The following CFDP1 variants were observed in gnomAD, a reference collection of about 807,000 sequenced individuals.
CFDP1 encodes heterochromatin-stabilizing protein CFDP1.
CFDP1 carries 31 observed loss-of-function variants against 40.1 expected under a neutral mutation model. The observed-to-expected ratio is 0.77, with a 90% CI of 0.58 to 1.04. CFDP1 has a LOEUF of 1.04. Ranked by LOEUF, CFDP1 falls within the 50% of genes least tolerant of loss-of-function variation. CFDP1 has a pLI of 0.00. For missense variants in CFDP1, 423 were observed against 343.4 expected, an observed-to-expected ratio of 1.23 and a Z score of -1.83; for synonymous variants, 167 against 120.0, an observed-to-expected ratio of 1.39 and a Z score of -2.56.
chr16:75,414,502 C>T, intron 2 of CFDP1, 76 bp downstream of exon 2: 1 of 861,858 alleles, frequency 1.2e-6, no homozygotes. Context: ...TTAAATCTAT[C>T]ATGAGACCAA....
intron 5 of CFDP1, among the ~76,000 whole-genome samples, chr16:75,358,597 A>G (rs897487986): frequency 2.0e-5 from 3 of 152,164 alleles, no homozygotes; most frequent in African/African-American, 7.2e-5. Context: ...TTGTACAACC[A>G]AATTACAAGC....
intron 1 of CFDP1, among the ~76,000 whole-genome samples, chr16:75,416,818 G>C (rs2151590974): frequency 6.8e-6 from 1 of 147,872 alleles, no homozygotes; most frequent in African/African-American, 2.5e-5. Flanking sequence ...TGAAAATCTG[G>C]AGAATAAGCA....
chr16:75,412,018 T>A (rs2079167520), intron 3 of CFDP1, 66 bp from the exon 4 acceptor site: 9 of 1,494,256 alleles, frequency 6.0e-6, no homozygotes, highest in Non-Finnish European at 7.1e-6. Context: ...CAGATACTTT[T>A]TATTTTTTTT....
chr16:75,376,979 A>G (rs2078804511), intron 5 of CFDP1, among the ~76,000 whole-genome samples: 2 of 152,254 alleles, frequency 1.3e-5, no homozygotes, highest in South Asian at 4.1e-4. Flanking sequence ...TCTCAGCACA[A>G]TGCCTATGCG....
rs143688402 is a variant in CFDP1, at chr16:75,315,200, G to A, written c.651-10018C>T. ...TACAAAAAATTTGCCGGGTGTGACG[G>A]TGTGTGCCTGTAGTCCCAGCTACTT... On this transcript the variant is annotated intron_variant, in intron 5 of 6. Coordinates refer to ENST00000283882, the MANE Select transcript of CFDP1 (RefSeq NM_006324.3). Among the ~76,000 whole-genome samples, 1,016 of 152,112 alleles carry A rather than the reference G, an allele frequency of 6.7e-3. 6 individuals are homozygous for A. Among genetic ancestry groups the A allele is most frequent in the African/African-American group, 0.024 (982 of 41,494 alleles).
intron 5 of CFDP1, among the ~76,000 whole-genome samples, chr16:75,383,569 C>T (rs957974512): frequency 4.3e-4 from 66 of 152,036 alleles, no homozygotes; most frequent in African/African-American, 1.6e-3. Flanking sequence ...ACCTGTAATC[C>T]CAGCACTTTG....
In CFDP1 at chr16:75,393,737, C is replaced by CAAAAAAAAAAA. The variant is rs61344775; in HGVS notation, c.650+1342_650+1352dup. ...TGGGCGACAGAGCGAGACTCCGTCGCAAAAAAAAAAAAAAAAAAAAAAAAA... is the reference window on the plus strand; with the variant it reads ...TGGGCGACAGAGCGAGACTCCGTCGCAAAAAAAAAAAAAAAAAAAAAAAAAAAAAAAAAAAA... On this transcript the variant is annotated intron_variant, in intron 5 of 6. Transcript: ENST00000283882. 1.9e-4 allele frequency among the ~76,000 whole-genome samples: 15 copies of CAAAAAAAAAAA among 80,618 alleles called. 2 individuals carry two copies. The highest frequency in any genetic ancestry group is 7.0e-4 in the African/African-American group (12 of 17,200). The allele number at this position is 80,618 out of a possible 152,430, so 52.9% of individuals were successfully genotyped here. A position where few individuals can be genotyped will look rare whatever the true frequency, so the allele number is the denominator to read the frequency against.
At chr16:75,424,755 CAAA>C (rs34126287) in intron 1 of CFDP1, among the ~76,000 whole-genome samples, 102 of 129,424 alleles carry the variant, frequency 7.9e-4, no homozygotes, top group Admixed American at 1.2e-3. Flanking sequence ...GACTCCGTCT[CAAA>C]AAAAAAAAAA....
At chr16:75,409,579 C>T (rs919532193) in intron 4 of CFDP1, 1 of 152,188 alleles carries the variant, frequency 6.6e-6, no homozygotes, top group Non-Finnish European at 1.5e-5. Flanking sequence ...GGGTCCTTCA[C>T]TATAGATAGT....
At chr16:75,413,324 T>C (rs1269249809) in intron 2 of CFDP1, among the ~76,000 whole-genome samples, 1 of 152,118 alleles carries the variant, frequency 6.6e-6, no homozygotes, top group African/African-American at 2.4e-5. Flanking sequence ...ATCCCAGCAC[T>C]CTGGGAGGCC....
chr16:75,427,621 G>T (rs971917207), intron 1 of CFDP1, among the ~76,000 whole-genome samples: 2 of 152,162 alleles, frequency 1.3e-5, no homozygotes, highest in Non-Finnish European at 2.9e-5. Context: ...TGTTGAGGAT[G>T]AAGAGCAACT....
At position 75,404,267 on chromosome 16, in the gene CFDP1, G is replaced by A. The variant is rs1418553372; in HGVS notation, c.530+7558C>T. On this transcript the variant is annotated intron_variant, in intron 4 of 6. Transcript: ENST00000283882. ...TTTTTTTTTTTTGAGACGGAGTCTT[G>A]CTCTGTTGCCCAGGCTGGAGTGCAG... 2.8e-5 allele frequency among the ~76,000 whole-genome samples: 4 copies of A among 144,182 alleles called. No homozygotes were observed. In the East Asian group the frequency reaches 8.2e-4, roughly 29 times the overall value. 94.6% of individuals were successfully genotyped at this position (144,182 alleles called of 152,430 possible).
intron 5 of CFDP1, among the ~76,000 whole-genome samples, chr16:75,309,095 C>A (rs2078276680): frequency 6.6e-6 from 1 of 152,150 alleles, no homozygotes; most frequent in Admixed American, 6.5e-5. Context: ...GCAGCCAGAA[C>A]ACACAGGGGG....
chr16:75,325,709 T>C (rs1285735982), intron 5 of CFDP1, among the ~76,000 whole-genome samples: 1 of 152,254 alleles, frequency 6.6e-6, no homozygotes, highest in Non-Finnish European at 1.5e-5. Flanking sequence ...GTTGAAAGAA[T>C]GTATGGATCT....
chr16:75,424,419 C>T (rs1394869472), intron 1 of CFDP1, among the ~76,000 whole-genome samples: 1 of 152,190 alleles, frequency 6.6e-6, no homozygotes, highest in African/African-American at 2.4e-5. Flanking sequence ...TAGCTAACAC[C>T]ACATCAAGTG....
intron 5 of CFDP1, among the ~76,000 whole-genome samples, chr16:75,332,476 G>GTAAAATAAAA (rs552824429): frequency 4.6e-5 from 7 of 151,186 alleles, no homozygotes; most frequent in African/African-American, 1.7e-4. Flanking sequence ...AAAATAAAAA[G>GTAAAATAAAA]TAAAATAAAA....
chr16:75,361,585 C>T (rs1316770718), intron 5 of CFDP1, among the ~76,000 whole-genome samples: 3 of 152,070 alleles, frequency 2.0e-5, no homozygotes, highest in Non-Finnish European at 4.4e-5. Context: ...CCACTGCACT[C>T]CAGCCTGGGC....
At chr16:75,352,292 G>C (rs142034523) in intron 5 of CFDP1, among the ~76,000 whole-genome samples, 295 of 152,030 alleles carry the variant, frequency 1.9e-3, no homozygotes, top group African/African-American at 6.5e-3. Context: ...AGTGAGTCGA[G>C]ATCACGCCAC....
intron 5 of CFDP1, among the ~76,000 whole-genome samples, chr16:75,385,711 A>C (rs931449922): frequency 6.6e-6 from 1 of 151,936 alleles, no homozygotes; most frequent in Non-Finnish European, 1.5e-5. Flanking sequence ...CTATCTTTTC[A>C]GGTGGAATTC....
Sources: allele counts gnomAD v4.1 joint callset (sites outside exome capture counted in the v4.1 genomes callset), GRCh38; gene constraint gnomAD v4.1.1; transcripts MANE v1.5; gene names NCBI Gene and HGNC (gene_info 2026-07-23, HGNC 2026-07-21).